Variants in GALNT18 observed in about 807,000 individuals in gnomAD.
The protein encoded by GALNT18 is GalNAc-transferase 18.
A neutral mutation model predicts 69.5 loss-of-function variants in GALNT18; 44 were observed. That is an observed-to-expected ratio of 0.63 (90% CI 0.50 to 0.81). The LOEUF (loss-of-function observed/expected upper bound fraction) is 0.81, where lower values mean the gene tolerates loss of function less well. Ranked by LOEUF, GALNT18 falls within the 40% of genes least tolerant of loss-of-function variation. The pLI, the probability that GALNT18 is intolerant of heterozygous loss-of-function variation, is 0.00. For synonymous variants in GALNT18, 364 were observed against 318.2 expected, an observed-to-expected ratio of 1.14 and a Z score of -1.53; for missense variants, 715 against 810.0, an observed-to-expected ratio of 0.88 and a Z score of 1.42.
chr11:11,492,255 A>C (rs1856786178), intron 1 of GALNT18, among the ~76,000 whole-genome samples: 1 of 152,224 alleles, frequency 6.6e-6, no homozygotes, highest in African/African-American at 2.4e-5. Context: ...ATAGGCATAC[A>C]GAAATGAGGA....
intron 6 of GALNT18, among the ~76,000 whole-genome samples, chr11:11,353,749 T>C (rs1057476012): frequency 6.6e-6 from 1 of 152,104 alleles, no homozygotes; most frequent in Non-Finnish European, 1.5e-5. Context: ...TAAACGAGTG[T>C]CCAAAGGGTG....
chr11:11,410,290 C>A (rs1037836022), intron 3 of GALNT18, among the ~76,000 whole-genome samples: 4 of 152,108 alleles, frequency 2.6e-5, no homozygotes, highest in African/African-American at 9.7e-5. Flanking sequence ...CTGCTCACAC[C>A]TCTACACTCA....
chr11:11,419,619 A>AAGAAAG lies in GALNT18; in HGVS notation c.595+13001_595+13002insCTTTCT, dbSNP rs1554932033. The stretch of plus-strand genomic sequence containing the variant: ...CTCAAAAAAAAAAAAAAAAAAAAAA[A>AAGAAAG]AAAGAAAGAAGGAAAAGAAACCATG... On this transcript the variant is annotated intron_variant, in intron 3 of 10. Transcript: ENST00000227756. 1.4e-4 allele frequency among the ~76,000 whole-genome samples: 18 copies of AAGAAAG among 128,454 alleles called. 1 individual carries two copies. The highest frequency in any genetic ancestry group is 7.3e-4 in the South Asian group (3 of 4,122). The allele number at this position is 128,454 out of a possible 152,430, so 84.3% of individuals were successfully genotyped here.
rs368248470 is a variant in GALNT18, at chr11:11,353,058, C to T, written c.1093-12054G>A. 115 of 1,614,166 alleles carry T rather than the reference C, an allele frequency of 7.1e-5. 1 individual carries two copies. In the East Asian group the frequency reaches 1.1e-3, roughly 16 times the overall value. ...ATGTGACTCGTAATCCCAGTATTCT[C>T]GAGGTCTGTGTGTATTAACATCTGT... On this transcript the variant is annotated intron_variant, in intron 6 of 10. Coordinates refer to ENST00000227756, the MANE Select transcript of GALNT18 (RefSeq NM_198516.3).
chr11:11,278,306 T>A (rs11021744), intron 10 of GALNT18, among the ~76,000 whole-genome samples: 1 of 150,044 alleles, frequency 6.7e-6, no homozygotes, highest in African/African-American at 2.5e-5. Flanking sequence ...CTGGACCAAG[T>A]TGACCAACGA....
chr11:11,379,462 TGTATTTTCA>T (rs1302701871), intron 3 of GALNT18, among the ~76,000 whole-genome samples, 198 bp from the exon 4 acceptor site: 1 of 152,224 alleles, frequency 6.6e-6, no homozygotes, highest in Non-Finnish European at 1.5e-5. Flanking sequence ...GAATATTTCC[TGTATTTTCA>T]GTATTTTCTG....
At chr11:11,285,854 C>T (rs376983456) in intron 10 of GALNT18, among the ~76,000 whole-genome samples, 12 of 152,158 alleles carry the variant, frequency 7.9e-5, no homozygotes, top group African/African-American at 1.4e-4. Flanking sequence ...TTCGTCTTTG[C>T]GTGCGTTACT....
In GALNT18 at chr11:11,332,759, G is replaced by C; in HGVS notation, c.1351C>G (p.Arg451Gly). ...GGGTACACGCTGACCAGGTACCACC[G>C]GAAGGTCTTGCACTGCAGCTGTTTC... ...LRKQLQCKTF[R>G]WYLVSVYPEM... Residue 451 changes from arginine (R) to glycine (G), a missense_variant, in exon 8 of 11, where the codon CGG (arginine) becomes GGG (glycine). Transcript: ENST00000227756. This position sits in a 1 kb window ranked among gnomAD's most constrained non-coding sequence, Gnocchi z 4.3. 3.1e-6 allele frequency: 5 copies of C among 1,614,024 alleles called. No homozygotes were observed. The highest frequency in any genetic ancestry group is 4.2e-6 in the Non-Finnish European group (5 of 1,179,964).
chr11:11,523,181 A>G lies in GALNT18; in HGVS notation c.236-74245T>C, dbSNP rs912917522. 6.6e-6 allele frequency among the ~76,000 whole-genome samples: 1 copy of G among 152,166 alleles called. No homozygotes were observed. The highest frequency in any genetic ancestry group is 1.5e-5 in the Non-Finnish European group (1 of 68,034). The stretch of plus-strand genomic sequence containing the variant: ...GGTCTGCCTTCCAGTTTTGCCACCC[A>G]CAGACATTATGAACTTGAGAAAGTC... On this transcript the variant is annotated intron_variant, in intron 1 of 10. Transcript: ENST00000227756. This position sits in a 1 kb window ranked among gnomAD's most constrained non-coding sequence, Gnocchi z 4.3.
intron 3 of GALNT18, among the ~76,000 whole-genome samples, chr11:11,416,024 G>C (rs1589982918): frequency 6.6e-6 from 1 of 152,192 alleles, no homozygotes; most frequent in Non-Finnish European, 1.5e-5. Flanking sequence ...GGAACACTCA[G>C]CAAACAACTT....
At chr11:11,594,914 TGC>T (rs1306183867) in intron 1 of GALNT18, among the ~76,000 whole-genome samples, 2 of 124,706 alleles carry the variant, frequency 1.6e-5, no homozygotes, top group Non-Finnish European at 3.5e-5. Context: ...ATACAAAATA[TGC>T]GTGTGTGTAT....
chr11:11,377,460 C>A lies in GALNT18; in HGVS notation c.780-81G>T. On this transcript the variant is annotated intron_variant, in intron 4 of 10. Coordinates refer to ENST00000227756, the MANE Select transcript of GALNT18 (RefSeq NM_198516.3). The surrounding 1 kb of genome is among the most constrained non-coding windows in gnomAD (Gnocchi z 4.6). ...AGAGTAGCATCTCCTGAAGGTCCTTCCCCAGCAGAAAGAGGAAGGAAGGCC... is the reference window on the plus strand; with the variant it reads ...AGAGTAGCATCTCCTGAAGGTCCTTACCCAGCAGAAAGAGGAAGGAAGGCC... 7.8e-7 allele frequency: 1 copy of A among 1,280,612 alleles called. No individual in the cohort carries two copies. Among genetic ancestry groups the A allele is most frequent in the South Asian group, 1.3e-5 (1 of 79,970 alleles). The allele number at this position is 1,280,612 out of a possible 1,614,324, so 79.3% of individuals were successfully genotyped here.
At position 11,496,851 on chromosome 11, in the gene GALNT18, C is replaced by G. The variant is rs1856874959; in HGVS notation, c.236-47915G>C. On this transcript the variant is annotated intron_variant, in intron 1 of 10. Transcript: ENST00000227756. The surrounding 1 kb of genome is among the most constrained non-coding windows in gnomAD (Gnocchi z 4.0). ...CACTTCTACGCCAGTTCCCTCACCC[C>G]CTGCCACCCATCAACCACAGTAACC... is the stretch of plus-strand genomic sequence containing the variant. Among the ~76,000 whole-genome samples the G allele has an allele frequency of 6.6e-6, 1 of 152,064 alleles. No individual in the cohort carries two copies. Among genetic ancestry groups the G allele is most frequent in the Non-Finnish European group, 1.5e-5 (1 of 68,010 alleles).
intron 6 of GALNT18, chr11:11,353,351 G>T: frequency 1.7e-6 from 1 of 601,474 alleles, no homozygotes; most frequent in Non-Finnish European, 2.9e-6. Flanking sequence ...TCTCTAATCT[G>T]AGAGTCATTT....
chr11:11,411,453 A>G (rs1474738250), intron 3 of GALNT18, among the ~76,000 whole-genome samples: 4 of 152,198 alleles, frequency 2.6e-5, no homozygotes, highest in African/African-American at 4.8e-5. Flanking sequence ...CTCCCACAGA[A>G]TCTAGTACAG....
rs975677967 is a variant in GALNT18 at position 11,564,351 on chromosome 11, C to T, written c.235+57008G>A. 2.0e-5 allele frequency among the ~76,000 whole-genome samples: 3 copies of T among 152,190 alleles called. No individual in the cohort carries two copies. The highest frequency in any genetic ancestry group is 4.4e-5 in the Non-Finnish European group (3 of 68,046). On this transcript the variant is annotated intron_variant, in intron 1 of 10. Coordinates refer to ENST00000227756, the MANE Select transcript of GALNT18 (RefSeq NM_198516.3). This position sits in a 1 kb window ranked among gnomAD's most constrained non-coding sequence, Gnocchi z 4.3. Reference sequence around the variant, plus strand: ...TCCCTGGGAGTCTACATTCTGCTGGCAACTCCAGCTGAGAACCCAAATCCC... The same window carrying T: ...TCCCTGGGAGTCTACATTCTGCTGGTAACTCCAGCTGAGAACCCAAATCCC...
intron 1 of GALNT18, among the ~76,000 whole-genome samples, chr11:11,522,288 A>G (rs923127618): frequency 1.3e-5 from 2 of 152,142 alleles, no homozygotes; most frequent in African/African-American, 4.8e-5. Flanking sequence ...ACGGCTGCCC[A>G]AACTGGAAGC....
intron 1 of GALNT18, among the ~76,000 whole-genome samples, chr11:11,559,914 A>C (rs1299642755): frequency 5.3e-5 from 8 of 149,586 alleles, no homozygotes; most frequent in Non-Finnish European, 1.2e-4. Context: ...ATGGGATGGA[A>C]TAGAATGAGA....
chr11:11,524,085 T>A (rs1857464797), intron 1 of GALNT18, among the ~76,000 whole-genome samples: 1 of 152,038 alleles, frequency 6.6e-6, no homozygotes, highest in South Asian at 2.1e-4. Context: ...GTAGCCCAAG[T>A]CATAGACCTG....
Sources: allele counts gnomAD v4.1 joint callset (sites outside exome capture counted in the v4.1 genomes callset), GRCh38; gene constraint gnomAD v4.1.1; non-coding constraint Gnocchi (gnomAD v3.1); transcripts MANE v1.5; gene names NCBI Gene and HGNC (gene_info 2026-07-23, HGNC 2026-07-21).